Variants in TRAPPC9 observed in about 807,000 individuals in gnomAD.
TRAPPC9 encodes the protein IKK2 binding protein.
Under a neutral mutation model 124.0 loss-of-function variants are expected in TRAPPC9, and 83 were observed. That is an observed-to-expected ratio of 0.67 (90% CI 0.56 to 0.80). The LOEUF is 0.80. Ranked by LOEUF, TRAPPC9 falls within the 30% of genes least tolerant of loss-of-function variation. TRAPPC9 has a pLI of 0.00. For synonymous variants in TRAPPC9, 638 were observed against 617.5 expected, an observed-to-expected ratio of 1.03 and a Z score of -0.49; for missense variants, 1,302 against 1,508.3, an observed-to-expected ratio of 0.86 and a Z score of 2.27.
intron 9 of TRAPPC9, among the ~76,000 whole-genome samples, chr8:140,357,187 G>C (rs532709765): frequency 6.6e-6 from 1 of 152,296 alleles, no homozygotes; most frequent in East Asian, 1.9e-4. Context: ...GGTCTAGCTA[G>C]GGACTTGTGA....
Position 140,291,084 on chromosome 8 carries a change from A to T in TRAPPC9, c.1769-6T>A. 1 of 1,612,554 alleles carries T rather than the reference A, an allele frequency of 6.2e-7. No individual in the cohort carries two copies. Among genetic ancestry groups the T allele is most frequent in the Non-Finnish European group, 8.5e-7 (1 of 1,178,510 alleles). On this transcript the variant is annotated splice_region_variant and splice_polypyrimidine_tract_variant and intron_variant, in intron 11 of 22. Transcript: ENST00000438773. ...TCCTTGAACCCACTGGAAATCTAGA[A>T]AATACACACACATAAATGAATCCAT...
At chr8:140,102,776 T>C (rs1457985325) in intron 17 of TRAPPC9, among the ~76,000 whole-genome samples, 1 of 152,082 alleles carries the variant, frequency 6.6e-6, no homozygotes, top group Non-Finnish European at 1.5e-5. Flanking sequence ...GGAGTACACA[T>C]GGCTGCCTCT....
At chr8:140,300,429 G>GT (rs2065941886) in intron 11 of TRAPPC9, 40 bp downstream of exon 11, 2 of 1,613,776 alleles carry the variant, frequency 1.2e-6, no homozygotes, top group Non-Finnish European at 1.7e-6. Flanking sequence ...TGGAAATCAG[G>GT]TGGCAGAGCA....
At chr8:140,183,958 GGA>G (rs1563826179) in intron 17 of TRAPPC9, among the ~76,000 whole-genome samples, 1 of 13,796 alleles carries the variant, frequency 7.2e-5, no homozygotes, top group African/African-American at 9.8e-5. Context: ...AGAGGGGAGG[GGA>G]GGGAGGAGGG....
rs116265752 is a variant in TRAPPC9 at position 140,071,745 on chromosome 8, C to T, written c.2557-47666G>A. Among the ~76,000 whole-genome samples the T allele has an allele frequency of 8.9e-3, 1,359 of 152,256 alleles. 18 individuals are homozygous for T. Among genetic ancestry groups the T allele is most frequent in the African/African-American group, 0.03 (1,260 of 41,536 alleles). On this transcript the variant is annotated intron_variant, in intron 17 of 22. Transcript: ENST00000438773. ...CTTTCTCTCAATGGGCCTCTCTGGA[C>T]AAGCAGATACCACGCTCTGGCTCAT...
chr8:140,323,611 C>G (rs2066657386), intron 9 of TRAPPC9, among the ~76,000 whole-genome samples: 1 of 152,154 alleles, frequency 6.6e-6, no homozygotes, highest in South Asian at 2.1e-4. Context: ...AATCCTTAAA[C>G]ACATTTTGGC....
At chr8:140,226,243 T>C (rs556754786) in intron 16 of TRAPPC9, among the ~76,000 whole-genome samples, 42 of 152,302 alleles carry the variant, frequency 2.8e-4, no homozygotes, top group Non-Finnish European at 5.0e-4. Flanking sequence ...AGATTTGATT[T>C]ACAAATTCTA....
intron 4 of TRAPPC9, among the ~76,000 whole-genome samples, chr8:140,427,063 C>T (rs1053573113): frequency 2.0e-5 from 3 of 151,036 alleles, no homozygotes; most frequent in African/African-American, 7.3e-5. Context: ...GTAGCTGGGA[C>T]TACAGGCGTG....
intron 10 of TRAPPC9, among the ~76,000 whole-genome samples, chr8:140,306,666 A>G (rs2066146335): frequency 6.6e-6 from 1 of 152,174 alleles, no homozygotes; most frequent in Non-Finnish European, 1.5e-5. Context: ...TCTCATATAA[A>G]ACATGAGCCT....
chr8:140,353,318 C>A lies in TRAPPC9; in HGVS notation c.1495+6732G>T, dbSNP rs529895557. Among the ~76,000 whole-genome samples the A allele has an allele frequency of 1.3e-5, 2 of 151,866 alleles. No homozygotes were observed. Among genetic ancestry groups the A allele is most frequent in the Non-Finnish European group, 2.9e-5 (2 of 67,956 alleles). On this transcript the variant is annotated intron_variant, in intron 9 of 22. Transcript: ENST00000438773. The surrounding 1 kb of genome is among the most constrained non-coding windows in gnomAD (Gnocchi z 4.2). ...CTGGCCCCCTCCCATCTCATGGGAC[C>A]CCCCCCTTTCGTCACTCCTCAGTCT...
intron 21 of TRAPPC9, among the ~76,000 whole-genome samples, chr8:139,757,586 G>A (rs1416987365): frequency 6.6e-6 from 1 of 151,986 alleles, no homozygotes; most frequent in South Asian, 2.1e-4. Context: ...ATGGCATGTC[G>A]CAGGGGCCCT....
chr8:139,733,619 C>CTGTG (rs1275626076), intron 21 of TRAPPC9, among the ~76,000 whole-genome samples: 3 of 152,220 alleles, frequency 2.0e-5, no homozygotes, highest in African/African-American at 7.2e-5. Context: ...TGATCCTGTG[C>CTGTG]TGTGGGCTAT....
intron 19 of TRAPPC9, among the ~76,000 whole-genome samples, chr8:139,921,612 G>A (rs1832506478): frequency 6.6e-6 from 1 of 152,102 alleles, no homozygotes; most frequent in Non-Finnish European, 1.5e-5. Flanking sequence ...CTGGCAGGTA[G>A]AGGGCTGTGG....
chr8:140,162,948 C>T (rs1206735887), intron 17 of TRAPPC9, among the ~76,000 whole-genome samples: 1 of 152,056 alleles, frequency 6.6e-6, no homozygotes, highest in Non-Finnish European at 1.5e-5. Context: ...GCTATAATTG[C>T]ACCACCATAC....
intron 17 of TRAPPC9, among the ~76,000 whole-genome samples, chr8:140,059,778 TTGAG>T (rs570909729): frequency 3.0e-4 from 46 of 152,354 alleles, no homozygotes; most frequent in Admixed American, 7.2e-4. Flanking sequence ...TTTCATGTTA[TTGAG>T]TAACAAAATT....
At chr8:140,234,091 C>T (rs781189224) in intron 16 of TRAPPC9, among the ~76,000 whole-genome samples, 4 of 152,138 alleles carry the variant, frequency 2.6e-5, no homozygotes, top group East Asian at 3.8e-4. Flanking sequence ...ACCCCCAGTC[C>T]GTGGCCTGTA....
chr8:140,074,882 G>A (rs1469506092), intron 17 of TRAPPC9, among the ~76,000 whole-genome samples: 1 of 152,178 alleles, frequency 6.6e-6, no homozygotes, highest in African/African-American at 2.4e-5. Context: ...CTCTGGTGCT[G>A]TTGATCGCCA....
rs370676208 is a variant in TRAPPC9, at chr8:140,128,757, C to T, written c.2556+92702G>A. 1.8e-4 allele frequency among the ~76,000 whole-genome samples: 27 copies of T among 152,282 alleles called. No homozygotes were observed. In the East Asian group the frequency reaches 5.2e-3, roughly 29 times the overall value. ...GAGCCAGCTCTGTCCAGCTGCAAAA[C>T]CACTGCTCTTTCCACCTAGCCATTC... On this transcript the variant is annotated intron_variant, in intron 17 of 22. Coordinates refer to ENST00000438773, the MANE Select transcript of TRAPPC9 (RefSeq NM_001160372.4).
At chr8:140,091,707 G>T (rs1844576019) in intron 17 of TRAPPC9, among the ~76,000 whole-genome samples, 1 of 152,200 alleles carries the variant, frequency 6.6e-6, no homozygotes, top group Non-Finnish European at 1.5e-5. Flanking sequence ...GCAGGGGCAA[G>T]AGGGGCCTCT....
Sources: gnomAD v4.1 joint callset for allele counts (sites outside exome capture counted in the v4.1 genomes callset) on GRCh38, gnomAD v4.1.1 for gene constraint, Gnocchi (gnomAD v3.1) non-coding constraint, MANE v1.5 for transcripts, NCBI Gene and HGNC (gene_info 2026-07-23, HGNC 2026-07-21) for gene names.